The following ANKS6 variants were observed in gnomAD, a reference collection of about 807,000 sequenced individuals.
ANKS6 encodes the protein ankyrin repeat and sterile alpha motif domain containing 6.
Under a neutral mutation model 77.9 loss-of-function variants are expected in ANKS6, and 47 were observed. The ratio of observed to expected loss-of-function variants is 0.60; its 90% CI spans 0.48 to 0.77. ANKS6 has a LOEUF of 0.77. ANKS6 is among the 30% of genes least tolerant of loss of function. ANKS6 has a pLI of 0.00. For missense variants in ANKS6, 1,150 were observed against 1,159.1 expected (o/e 0.99, Z 0.11); for synonymous variants, 488 against 501.7 (o/e 0.97, Z 0.37).
chr9:98,790,004 CTG>C lies in ANKS6; in HGVS notation c.862+98_862+99del, dbSNP rs1394651268. On this transcript the variant is annotated intron_variant, in intron 2 of 14. Coordinates refer to ENST00000353234, the MANE Select transcript of ANKS6 (RefSeq NM_173551.5). ...TCTCAGTGGTCTGCAGGGCTGGACT[CTG>C]AGTTCTGCGTGTCCTTCCAGTAGAG... The C allele has an allele frequency of 5.5e-6, 8 of 1,466,846 alleles. No individual in the cohort carries two copies. The Admixed American group carries it at 1.6e-4, about 29-fold the overall frequency. 90.9% of individuals were successfully genotyped at this position (1,466,846 alleles called of 1,614,324 possible). A position where few individuals can be genotyped will look rare whatever the true frequency, so the allele number is the denominator to read the frequency against.
At chr9:98,749,820 G>A (rs1028300311) in intron 13 of ANKS6, among the ~76,000 whole-genome samples, 1 of 152,156 alleles carries the variant, frequency 6.6e-6, no homozygotes, top group Non-Finnish European at 1.5e-5. Flanking sequence ...ACTAAAATAC[G>A]AGCTCCTCAA....
At chr9:98,740,115 T>C (rs1489312967) in intron 14 of ANKS6, among the ~76,000 whole-genome samples, 1 of 151,770 alleles carries the variant, frequency 6.6e-6, no homozygotes, top group Non-Finnish European at 1.5e-5. Flanking sequence ...CTACTAAGAG[T>C]GAAAAGGGGG....
chr9:98,768,323 G>C, intron 10 of ANKS6, 73 bp from the exon 11 acceptor site: 1 of 1,565,736 alleles, frequency 6.4e-7, no homozygotes, highest in Non-Finnish European at 8.7e-7. Context: ...GTGGACTGTC[G>C]TGTGATGATT....
In ANKS6 at chr9:98,790,582, G is replaced by A. The variant is rs1333466942; in HGVS notation, c.384C>T (p.His128=). 1.9e-6 allele frequency: 3 copies of A among 1,605,786 alleles called. No individual in the cohort carries two copies. Among genetic ancestry groups the A allele is most frequent in the Middle Eastern group, 1.7e-4 (1 of 6,034 alleles). Reference sequence around the variant, plus strand: ...CATCAGCCCCGTGATCCAACAGGAGGTGTGCCACACTCACATGCCCAAATC... The same window carrying A: ...CATCAGCCCCGTGATCCAACAGGAGATGTGCCACACTCACATGCCCAAATC... ...AARFGHVSVA[H]LLLDHGADVN... The change falls in exon 2 of 15, where the codon CAC becomes CAT. Residue 128 remains histidine (H), a synonymous_variant. Transcript: ENST00000353234.
chr9:98,774,950 C>T (rs1024470138), intron 8 of ANKS6, among the ~76,000 whole-genome samples: 10 of 152,218 alleles, frequency 6.6e-5, no homozygotes, highest in African/African-American at 1.9e-4. Context: ...GCAGGGCAGC[C>T]GGGCCACCCC....
intron 9 of ANKS6, among the ~76,000 whole-genome samples, chr9:98,772,045 G>A (rs533516995): frequency 6.6e-6 from 1 of 152,324 alleles, no homozygotes; most frequent in Admixed American, 6.5e-5. Flanking sequence ...ATTAAAGGTT[G>A]CAGTGGGCTG....
At chr9:98,765,339 T>A (rs1184860595) in intron 11 of ANKS6, among the ~76,000 whole-genome samples, 1 of 152,206 alleles carries the variant, frequency 6.6e-6, no homozygotes, top group Non-Finnish European at 1.5e-5. Context: ...CGTTGAGTGG[T>A]AGGCTGATTG....
intron 13 of ANKS6, among the ~76,000 whole-genome samples, chr9:98,748,303 C>G (rs1300469472): frequency 6.6e-6 from 1 of 152,172 alleles, no homozygotes; most frequent in Non-Finnish European, 1.5e-5. Flanking sequence ...AGGTGGAGAG[C>G]ACCAGAGACG....
At chr9:98,784,298 G>T (rs1311198661) in intron 3 of ANKS6, 141 bp from the exon 4 acceptor site, 3 of 682,430 alleles carry the variant, frequency 4.4e-6, no homozygotes, top group East Asian at 6.2e-5. Context: ...GATACTAAGA[G>T]GGCGTCAGAG....
chr9:98,789,962 G>A (rs768940988), intron 2 of ANKS6, 142 bp downstream of exon 2: 9 of 1,264,578 alleles, frequency 7.1e-6, no homozygotes, highest in African/African-American at 1.5e-5. Context: ...CGATACTTAA[G>A]CACACCACTT....
In ANKS6 at chr9:98,778,326, G is replaced by A. The variant is rs746505940; in HGVS notation, c.1467C>T (p.Asp489=). 3.5e-5 allele frequency: 56 copies of A among 1,614,144 alleles called. No individual in the cohort carries two copies. The highest frequency in any genetic ancestry group is 3.3e-4 in the Middle Eastern group (2 of 6,060). Residue 489 remains aspartate, a synonymous_variant, in exon 7 of 15, where the codon GAC becomes GAT. Transcript: ENST00000353234. ...LSSNQPLPFS[D]EPEPALDSTM... ...TGGAGTCCAGAGCTGGCTCAGGCTC[G>A]TCAGAGAAAGGCAAAGGCTGGTTGC...
rs541615556 is a variant in ANKS6 at position 98,744,419 on chromosome 9, C to T, written c.2511+1140G>A. On this transcript the variant is annotated intron_variant, in intron 14 of 14. Coordinates refer to ENST00000353234, the MANE Select transcript of ANKS6 (RefSeq NM_173551.5). ...CGTCTCCCTCCACTGCCCACCACCG[C>T]GTGACCTGGGCACCATGCTCCCCTC... Among the ~76,000 whole-genome samples the T allele has an allele frequency of 5.4e-4, 82 of 152,284 alleles. 1 individual carries two copies. Among genetic ancestry groups the T allele is most frequent in the African/African-American group, 1.9e-3 (77 of 41,562 alleles).
chr9:98,777,453 A>G lies in ANKS6; in HGVS notation c.1569T>C (p.Gly523=). ...PDAAPVTKDN[G]PGSTRGEKED... ...CCTTTTCTCCTCTTGTGCTCCCAGG[A>G]CCTGAGAGACAAATGGAAATTTCCT... Residue 523 remains glycine, a splice_region_variant and synonymous_variant, in exon 8 of 15, where the codon GGT becomes GGC. Transcript: ENST00000353234. 4 of 1,614,144 alleles carry G rather than the reference A, an allele frequency of 2.5e-6. No homozygotes were observed. The highest frequency in any genetic ancestry group is 3.4e-6 in the Non-Finnish European group (4 of 1,180,020).
chr9:98,736,105 A>G lies in ANKS6; in HGVS notation c.*414T>C, dbSNP rs1349851909. 8.7e-7 allele frequency: 1 copy of G among 1,149,612 alleles called. No individual in the cohort carries two copies. Among genetic ancestry groups the G allele is most frequent in the East Asian group, 4.3e-5 (1 of 23,048 alleles). The allele number at this position is 1,149,612 out of a possible 1,614,324, so 71.2% of individuals were successfully genotyped here. On this transcript the variant is annotated 3_prime_UTR_variant, in exon 15 of 15. Transcript: ENST00000353234. Reference sequence around the variant, plus strand: ...GGGGCCACATGACTACCAGTGGCCAAGAGGACGTGAGCAGGAGTGATGTGT... The same window carrying G: ...GGGGCCACATGACTACCAGTGGCCAGGAGGACGTGAGCAGGAGTGATGTGT...
Position 98,778,229 on chromosome 9 carries a change from T to C in ANKS6, c.1564A>G (p.Asn522Asp), listed in dbSNP as rs2118083378. The change falls in exon 7 of 15, where the codon AAT becomes GAT. Residue 522 changes from asparagine (N) to aspartate (D), a missense_variant. Asn to Asp is a conservative substitution (Grantham distance 23). Transcript: ENST00000353234. Reference sequence around the variant, plus strand: ...TGCACATGCAGACTTTTCTCACCATTGTCTTTGGTCACAGGGGCCGCATCA... The same window carrying C: ...TGCACATGCAGACTTTTCTCACCATCGTCTTTGGTCACAGGGGCCGCATCA... ...LPDAAPVTKD[N>D]GPGSTRGEKE... 6.2e-7 allele frequency: 1 copy of C among 1,614,048 alleles called. No individual in the cohort carries two copies. The highest frequency in any genetic ancestry group is 8.5e-7 in the Non-Finnish European group (1 of 1,179,968).
At chr9:98,786,718 C>G (rs1254179627) in intron 2 of ANKS6, among the ~76,000 whole-genome samples, 1 of 152,216 alleles carries the variant, frequency 6.6e-6, no homozygotes, top group Admixed American at 6.5e-5. Context: ...CATGTTCTTT[C>G]AAGTATTCAA....
In ANKS6 at chr9:98,778,113, C is replaced by A. The variant is rs982343706; in HGVS notation, c.1567+113G>T. ...CAGACCAGCCTCTATGCTCCAGTGT[C>A]CCATTCCAACATCATCTTACCCCTG... On this transcript the variant is annotated intron_variant, in intron 7 of 14. Transcript: ENST00000353234. 3.0e-5 allele frequency: 37 copies of A among 1,240,410 alleles called. No homozygotes were observed. The Admixed American group carries it at 4.0e-4, about 13-fold the overall frequency. The allele number at this position is 1,240,410 out of a possible 1,614,324, so 76.8% of individuals were successfully genotyped here.
In ANKS6 at chr9:98,733,768, G is replaced by A. The variant is rs1338409474; in HGVS notation, c.*2751C>T. Reference sequence around the variant, plus strand: ...TGTAGCAAAGATGATCGTGTAGCTCGCTTTAGTGTCTGCCAAACCTACTCA... The same window carrying A: ...TGTAGCAAAGATGATCGTGTAGCTCACTTTAGTGTCTGCCAAACCTACTCA... On this transcript the variant is annotated 3_prime_UTR_variant, in exon 15 of 15. Transcript: ENST00000353234. 32 of 985,310 alleles carry A rather than the reference G, an allele frequency of 3.2e-5. No homozygotes were observed. The highest frequency in any genetic ancestry group is 3.6e-5 in the Non-Finnish European group (30 of 829,996). The allele number at this position is 985,310 out of a possible 1,614,324, so 61.0% of individuals were successfully genotyped here.
intron 8 of ANKS6, among the ~76,000 whole-genome samples, chr9:98,775,524 GAA>G (rs1377531286): frequency 6.6e-6 from 1 of 152,172 alleles, no homozygotes; most frequent in East Asian, 1.9e-4. Context: ...CACAATATGG[GAA>G]AGATACTAAC....
Sources: allele counts gnomAD v4.1 joint callset (sites outside exome capture counted in the v4.1 genomes callset), GRCh38; gene constraint gnomAD v4.1.1; transcripts MANE v1.5; gene names NCBI Gene and HGNC (gene_info 2026-07-23, HGNC 2026-07-21).